Variants in MGAT4A observed in about 807,000 individuals in gnomAD.
MGAT4A encodes N-acetylglucosaminyltransferase IVa.
MGAT4A carries 33 observed loss-of-function variants against 74.1 expected under a neutral mutation model. The observed-to-expected ratio is 0.45, with a 90% CI of 0.34 to 0.60. The LOEUF is 0.60. Ranked by LOEUF, MGAT4A falls within the 20% of genes least tolerant of loss-of-function variation. MGAT4A has a pLI of 0.02. For synonymous variants in MGAT4A, 198 were observed against 210.4 expected (o/e 0.94, Z 0.51); for missense variants, 479 against 628.3 (o/e 0.76, Z 2.54).
rs1156747541 is a variant in MGAT4A, at chr2:98,619,415, T to A, written c.*6151A>T. On this transcript the variant is annotated 3_prime_UTR_variant, in exon 16 of 16. Coordinates refer to ENST00000393487, the MANE Select transcript of MGAT4A (RefSeq NM_012214.3). ...ATCTGGTACAACCTGGCAAGGAGAT[T>A]CCTCAGGCAGCTTCTCTAAGGGATG... The A allele has an allele frequency of 6.6e-6, 1 of 152,134 alleles. No individual in the cohort carries two copies. Among genetic ancestry groups the A allele is most frequent in the East Asian group, 1.9e-4 (1 of 5,196 alleles). 9.4% of individuals were successfully genotyped at this position (152,134 alleles called of 1,614,324 possible).
chr2:98,674,364 C>T (rs1701951267), intron 4 of MGAT4A, among the ~76,000 whole-genome samples: 1 of 152,320 alleles, frequency 6.6e-6, no homozygotes, highest in South Asian at 2.1e-4. Flanking sequence ...ACAGCGGAAT[C>T]AAATGTATGA....
rs1261596802 is a variant in MGAT4A at position 98,624,020 on chromosome 2, T to G, written c.*1546A>C. The G allele has an allele frequency of 6.2e-6, 6 of 961,004 alleles. No individual in the cohort carries two copies. The highest frequency in any genetic ancestry group is 6.2e-6 in the Non-Finnish European group (5 of 807,858). The allele number at this position is 961,004 out of a possible 1,614,324, so 59.5% of individuals were successfully genotyped here. On this transcript the variant is annotated 3_prime_UTR_variant, in exon 16 of 16. Coordinates refer to ENST00000393487, the MANE Select transcript of MGAT4A (RefSeq NM_012214.3). ...GGAACTGATGTTGATACTTCATCTT[T>G]TTTTTTTTTTGAGACGGAGTCTAGC...
chr2:98,669,848 G>T (rs1204622113), intron 4 of MGAT4A, among the ~76,000 whole-genome samples: 1 of 152,166 alleles, frequency 6.6e-6, no homozygotes, highest in Non-Finnish European at 1.5e-5. Flanking sequence ...TAATCTGTGG[G>T]CTGAGCACTG....
At chr2:98,728,700 G>C (rs1455406688) in intron 1 of MGAT4A, among the ~76,000 whole-genome samples, 2 of 148,174 alleles carry the variant, frequency 1.3e-5, no homozygotes, top group African/African-American at 5.0e-5. Flanking sequence ...AGTGAGCCGA[G>C]ATCACACCAC....
intron 2 of MGAT4A, among the ~76,000 whole-genome samples, chr2:98,721,989 A>G (rs1702679115): frequency 2.0e-5 from 3 of 152,208 alleles, no homozygotes; most frequent in African/African-American, 7.2e-5. Context: ...ATCCAATTAT[A>G]TGTTGTTTAC....
intron 10 of MGAT4A, among the ~76,000 whole-genome samples, chr2:98,643,137 G>A (rs74788165): frequency 0.014 from 2,139 of 151,674 alleles, 17 homozygotes; most frequent in Non-Finnish European, 0.023. Flanking sequence ...TTTTTTCAGA[G>A]ACACAATTCA....
chr2:98,680,603 C>T (rs576118339), intron 2 of MGAT4A, among the ~76,000 whole-genome samples: 7 of 152,224 alleles, frequency 4.6e-5, no homozygotes, highest in African/African-American at 1.7e-4. Context: ...TTAATTTGCT[C>T]AGAAGGAAAG....
At position 98,624,713 on chromosome 2, in the gene MGAT4A, A is replaced by C; in HGVS notation, c.*853T>G. ...GTTTGTCATTTTACATATCAGAGGA[A>C]ATATAATAAGTTAAGTCTACAATAA... On this transcript the variant is annotated 3_prime_UTR_variant, in exon 16 of 16. Transcript: ENST00000393487. 3 of 983,276 alleles carry C rather than the reference A, an allele frequency of 3.1e-6. No homozygotes were observed. The highest frequency in any genetic ancestry group is 3.6e-6 in the Non-Finnish European group (3 of 827,792). The allele number at this position is 983,276 out of a possible 1,614,324, so 60.9% of individuals were successfully genotyped here. A position where few individuals can be genotyped will look rare whatever the true frequency, so the allele number is the denominator to read the frequency against.
At chr2:98,689,145 T>C (rs939869193) in intron 2 of MGAT4A, among the ~76,000 whole-genome samples, 3 of 152,248 alleles carry the variant, frequency 2.0e-5, no homozygotes, top group Non-Finnish European at 2.9e-5. Context: ...CTAAGACTAC[T>C]GGCATCATCT....
chr2:98,624,977 T>G lies in MGAT4A; in HGVS notation c.*589A>C. 2.0e-6 allele frequency: 2 copies of G among 985,428 alleles called. No individual in the cohort carries two copies. The highest frequency in any genetic ancestry group is 2.4e-6 in the Non-Finnish European group (2 of 829,596). The allele number at this position is 985,428 out of a possible 1,614,324, so 61.0% of individuals were successfully genotyped here. A position where few individuals can be genotyped will look rare whatever the true frequency, so the allele number is the denominator to read the frequency against. On this transcript the variant is annotated 3_prime_UTR_variant, in exon 16 of 16. Transcript: ENST00000393487. The stretch of plus-strand genomic sequence containing the variant: ...CTTAAATGGCAGTGCATTTGAAAAA[T>G]GGCATTGGTTTGTAATGTTTGCATT...
intron 2 of MGAT4A, among the ~76,000 whole-genome samples, chr2:98,718,680 G>A (rs1702622228): frequency 6.6e-6 from 1 of 152,164 alleles, no homozygotes; most frequent in African/African-American, 2.4e-5. Flanking sequence ...GCCCCCAAAT[G>A]CCTGTAGCTA....
intron 2 of MGAT4A, 131 bp from the exon 3 acceptor site, chr2:98,678,602 G>GA (rs1009241584): frequency 1.9e-3 from 875 of 453,822 alleles, no homozygotes; most frequent in East Asian, 2.3e-3. Flanking sequence ...ATACAGAACT[G>GA]AAAAAAAAAG....
rs1232369153 is a variant in MGAT4A at position 98,731,105 on chromosome 2, C to T, written c.-293G>A. 2.8e-5 allele frequency: 2 copies of T among 72,650 alleles called. No individual in the cohort carries two copies. The highest frequency in any genetic ancestry group is 1.2e-4 in the African/African-American group (1 of 8,604). The allele number at this position is 72,650 out of a possible 1,614,324, so 4.5% of individuals were successfully genotyped here. On this transcript the variant is annotated 5_prime_UTR_variant, in exon 1 of 16. Coordinates refer to ENST00000393487, the MANE Select transcript of MGAT4A (RefSeq NM_012214.3). The surrounding 1 kb of genome is among the most constrained non-coding windows in gnomAD (Gnocchi z 4.8). ...CCGGCGGAGCTGCTGTAGCCGCCGC[C>T]GCCGCTGCCGCCGCCGCTGCGGGCC...
At chr2:98,636,117 C>G (rs1040915215) in intron 13 of MGAT4A, among the ~76,000 whole-genome samples, 4 of 151,898 alleles carry the variant, frequency 2.6e-5, no homozygotes, top group Admixed American at 2.6e-4. Flanking sequence ...CTCAGCCTCC[C>G]GAGTAGCTGG....
chr2:98,680,700 G>C (rs1348493378), intron 2 of MGAT4A, among the ~76,000 whole-genome samples: 1 of 152,172 alleles, frequency 6.6e-6, no homozygotes, highest in Non-Finnish European at 1.5e-5. Flanking sequence ...TTCTCGATCT[G>C]GGTGTCACTC....
chr2:98,639,628 A>G (rs1701375641), intron 12 of MGAT4A, among the ~76,000 whole-genome samples, 180 bp downstream of exon 12: 1 of 152,242 alleles, frequency 6.6e-6, no homozygotes, highest in African/African-American at 2.4e-5. Flanking sequence ...TTGACATTAC[A>G]TCTGAAAACA....
intron 10 of MGAT4A, among the ~76,000 whole-genome samples, chr2:98,640,447 T>C (rs1291679368): frequency 3.9e-5 from 6 of 151,926 alleles, no homozygotes; most frequent in Non-Finnish European, 8.8e-5. Flanking sequence ...CCATCTCTAC[T>C]AAAAACACAA....
At chr2:98,693,870 C>T (rs1702228266) in intron 2 of MGAT4A, among the ~76,000 whole-genome samples, 1 of 151,914 alleles carries the variant, frequency 6.6e-6, no homozygotes, top group Admixed American at 6.6e-5. Flanking sequence ...ACAGATGCAT[C>T]AAAATGGAAT....
intron 2 of MGAT4A, among the ~76,000 whole-genome samples, chr2:98,718,608 C>T (rs1702621493): frequency 6.6e-6 from 1 of 152,236 alleles, no homozygotes; most frequent in Admixed American, 6.5e-5. Flanking sequence ...TCCCTTTGCT[C>T]TCCAGCTCCA....
Sources: allele counts gnomAD v4.1 joint callset (sites outside exome capture counted in the v4.1 genomes callset), GRCh38; gene constraint gnomAD v4.1.1; non-coding constraint Gnocchi (gnomAD v3.1); transcripts MANE v1.5; gene names NCBI Gene and HGNC (gene_info 2026-07-23, HGNC 2026-07-21).